The following LRCH1 variants were observed in gnomAD, a reference collection of about 807,000 sequenced individuals.
LRCH1 encodes leucine-rich repeat and calponin homology domain-containing protein 1.
A neutral mutation model predicts 94.9 loss-of-function variants in LRCH1; 23 were observed. That is an observed-to-expected ratio of 0.24 (90% CI 0.17 to 0.34). The LOEUF (loss-of-function observed/expected upper bound fraction) is 0.34. LRCH1 is among the 10% of genes least tolerant of loss of function. LRCH1 has a pLI of 1.00. For synonymous variants in LRCH1, 364 were observed against 354.9 expected (o/e 1.03, Z -0.29); for missense variants, 790 against 945.9 (o/e 0.84, Z 2.16).
At chr13:46,573,867 T>TATATA (rs1555269135) in intron 1 of LRCH1, among the ~76,000 whole-genome samples, 662 of 52,960 alleles carry the variant, frequency 0.013, 10 homozygotes, top group African/African-American at 0.057. Flanking sequence ...TATATATATA[T>TATATA]TTTTTTTTTT....
At chr13:46,748,246 C>G (rs1242233717), downstream of LRCH1, among the ~76,000 whole-genome samples, 1 of 150,546 alleles carries the variant, frequency 6.6e-6, no homozygotes, top group African/African-American at 2.4e-5. Context: ...ACTAAATATT[C>G]ACCTTTATGT....
chr13:46,578,745 A>G (rs563265158), intron 1 of LRCH1, among the ~76,000 whole-genome samples: 1 of 152,188 alleles, frequency 6.6e-6, no homozygotes, highest in African/African-American at 2.4e-5. Context: ...TGAATTATGC[A>G]GTCAGATGCT....
At chr13:46,725,447 C>A (rs1872765560) in intron 17 of LRCH1, among the ~76,000 whole-genome samples, 1 of 152,172 alleles carries the variant, frequency 6.6e-6, no homozygotes, top group South Asian at 2.1e-4. Flanking sequence ...TCACTCTCTA[C>A]CAGGCTGTAT....
intron 1 of LRCH1, among the ~76,000 whole-genome samples, chr13:46,625,760 TC>T: frequency 6.6e-6 from 1 of 151,816 alleles, no homozygotes; most frequent in South Asian, 2.1e-4. Flanking sequence ...CTCAGGTGAT[TC>T]CCCCACCTCA....
intron 1 of LRCH1, among the ~76,000 whole-genome samples, chr13:46,589,593 C>CTATTTTTTT (rs2050475533): frequency 1.3e-5 from 1 of 77,714 alleles, no homozygotes; most frequent in Non-Finnish European, 2.4e-5. Context: ...AGTTCTCTCA[C>CTATTTTTTT]TTTTTTTTTT....
intron 1 of LRCH1, among the ~76,000 whole-genome samples, chr13:46,575,853 C>A (rs1032238136): frequency 9.9e-5 from 15 of 152,118 alleles, no homozygotes; most frequent in African/African-American, 3.6e-4. Flanking sequence ...GAGAATGAAG[C>A]AGGCTCCTGA....
chr13:46,701,015 A>T, intron 10 of LRCH1, 106 bp from the exon 11 acceptor site: 1 of 728,236 alleles, frequency 1.4e-6, no homozygotes. Context: ...TGTCGAAATC[A>T]TTTTCATATG....
rs1469279343 is a variant in LRCH1 at position 46,650,283 on chromosome 13, C to T, written c.390C>T (p.Asn130=). 1 of 1,612,436 alleles carries T rather than the reference C, an allele frequency of 6.2e-7. No homozygotes were observed. The highest frequency in any genetic ancestry group is 1.1e-5 in the South Asian group (1 of 90,934). The part of the protein sequence containing the change: ...VSLEILNLYH[N]CIRVIPEAIV... Reference sequence around the variant, plus strand: ...TGGAAATTCTTAATCTGTATCACAACTGTATCAGAGTCATTCCTGAGGCCA... The same window carrying T: ...TGGAAATTCTTAATCTGTATCACAATTGTATCAGAGTCATTCCTGAGGCCA... Residue 130 remains asparagine (N), a synonymous_variant, in exon 2 of 20, where the codon AAC becomes AAT. Coordinates refer to ENST00000389797, the MANE Select transcript of LRCH1 (RefSeq NM_001164211.2).
chr13:46,633,424 A>G (rs555973000), intron 1 of LRCH1, among the ~76,000 whole-genome samples: 7 of 152,376 alleles, frequency 4.6e-5, no homozygotes, highest in African/African-American at 1.7e-4. Context: ...TGGTCAGGGT[A>G]TCAGCAGAAT....
At chr13:46,596,809 G>T (rs1320897601) in intron 1 of LRCH1, among the ~76,000 whole-genome samples, 2 of 152,156 alleles carry the variant, frequency 1.3e-5, no homozygotes, top group African/African-American at 4.8e-5. Context: ...CATGGCAATC[G>T]ATCATTTGCC....
intron 4 of LRCH1, among the ~76,000 whole-genome samples, chr13:46,682,770 C>T (rs555620531): frequency 6.6e-6 from 1 of 152,366 alleles, no homozygotes; most frequent in African/African-American, 2.4e-5. Context: ...AACCATCCAG[C>T]ATGAATGCCA....
chr13:46,693,937 C>T lies in LRCH1; in HGVS notation c.1121-956C>T, dbSNP rs137976382. 4.0e-4 allele frequency among the ~76,000 whole-genome samples: 59 copies of T among 145,790 alleles called. No individual in the cohort carries two copies. The East Asian group carries it at 0.012, about 30-fold the overall frequency. On this transcript the variant is annotated intron_variant, in intron 8 of 19. Coordinates refer to ENST00000389797, the MANE Select transcript of LRCH1 (RefSeq NM_001164211.2). ...TCATGATAGGAGAGCTGTTTAAGTTCACTCAAACCTTAGTGTTGGCTTTCA... is the reference window on the plus strand; with the variant it reads ...TCATGATAGGAGAGCTGTTTAAGTTTACTCAAACCTTAGTGTTGGCTTTCA...
Position 46,744,866 on chromosome 13 carries a change from T to C in LRCH1, c.*3018T>C. 2 of 984,432 alleles carry C rather than the reference T, an allele frequency of 2.0e-6. No homozygotes were observed. Among genetic ancestry groups the C allele is most frequent in the Non-Finnish European group, 2.4e-6 (2 of 829,274 alleles). The allele number at this position is 984,432 out of a possible 1,614,324, so 61.0% of individuals were successfully genotyped here. A position where few individuals can be genotyped will look rare whatever the true frequency, so the allele number is the denominator to read the frequency against. Reference sequence around the variant, plus strand: ...AAAAATTAGGCTTCGTATTTCAAAATTAGTTCTCAATAAACAATCAATTTG... The same window carrying C: ...AAAAATTAGGCTTCGTATTTCAAAACTAGTTCTCAATAAACAATCAATTTG... On this transcript the variant is annotated 3_prime_UTR_variant, in exon 20 of 20. Coordinates refer to ENST00000389797, the MANE Select transcript of LRCH1 (RefSeq NM_001164211.2).
chr13:46,591,031 C>A (rs953900421), intron 1 of LRCH1, among the ~76,000 whole-genome samples: 11 of 151,244 alleles, frequency 7.3e-5, no homozygotes, highest in Non-Finnish European at 1.2e-4. Context: ...AATATAGGGA[C>A]TCTCCTTCAT....
At chr13:46,671,123 A>T (rs1277139545) in intron 3 of LRCH1, among the ~76,000 whole-genome samples, 1 of 151,968 alleles carries the variant, frequency 6.6e-6, no homozygotes, top group Non-Finnish European at 1.5e-5. Flanking sequence ...CACCTTGTTC[A>T]TTTTCATTTC....
intron 1 of LRCH1, among the ~76,000 whole-genome samples, chr13:46,579,184 G>A (rs1393207169): frequency 1.3e-5 from 2 of 152,250 alleles, no homozygotes; most frequent in South Asian, 4.1e-4. Context: ...AAGCAGGAGT[G>A]CCCTTATATG....
At chr13:46,736,764 C>A (rs1452349932) in intron 19 of LRCH1, among the ~76,000 whole-genome samples, 2 of 152,170 alleles carry the variant, frequency 1.3e-5, no homozygotes, top group Admixed American at 1.3e-4. Context: ...TACACACACA[C>A]ACAAGCCACA....
At chr13:46,699,224 C>T in intron 9 of LRCH1, 112 bp from the exon 10 acceptor site, 1 of 791,198 alleles carries the variant, frequency 1.3e-6, no homozygotes, top group Non-Finnish European at 2.2e-6. Flanking sequence ...GGCTTGTTTC[C>T]AGCTTTTGGC....
chr13:46,741,155 A>G (rs1258961369), intron 19 of LRCH1, among the ~76,000 whole-genome samples: 3 of 152,226 alleles, frequency 2.0e-5, no homozygotes, highest in Non-Finnish European at 4.4e-5. Flanking sequence ...TGTGTGTGTT[A>G]ACTTTCAGAG....
Sources: allele counts gnomAD v4.1 joint callset (sites outside exome capture counted in the v4.1 genomes callset), GRCh38; gene constraint gnomAD v4.1.1; transcripts MANE v1.5; gene names NCBI Gene and HGNC (gene_info 2026-07-23, HGNC 2026-07-21).